MAGI2: variants seen among roughly 807,000 people sequenced by gnomAD.
The protein encoded by MAGI2 is membrane-associated guanylate kinase, WW and PDZ domain-containing protein 2.
MAGI2 carries 35 observed loss-of-function variants against 133.3 expected under a neutral mutation model. The observed-to-expected ratio is 0.26, with a 90% confidence interval of 0.20 to 0.35. MAGI2 has a LOEUF of 0.35. MAGI2 is among the 10% of genes least tolerant of loss of function. MAGI2 has a pLI of 1.00. For missense variants in MAGI2, 1,636 were observed against 1,863.4 expected, an observed-to-expected ratio of 0.88 and a Z score of 2.25; for synonymous variants, 729 against 710.6, an observed-to-expected ratio of 1.03 and a Z score of -0.41.
At chr7:78,197,095 G>T (rs1158033373) in intron 11 of MAGI2, among the ~76,000 whole-genome samples, 1 of 152,210 alleles carries the variant, frequency 6.6e-6, no homozygotes, top group East Asian at 1.9e-4. Flanking sequence ...GCTCCCATTT[G>T]TAAAAATCTT....
chr7:78,805,825 A>C (rs1410748015), intron 2 of MAGI2, among the ~76,000 whole-genome samples: 1 of 152,130 alleles, frequency 6.6e-6, no homozygotes, highest in African/African-American at 2.4e-5. Flanking sequence ...GTCTCCAGCC[A>C]ACAGCCATGA....
chr7:78,587,166 A>G (rs1163146090), intron 3 of MAGI2, among the ~76,000 whole-genome samples: 1 of 152,186 alleles, frequency 6.6e-6, no homozygotes, highest in African/African-American at 2.4e-5. Context: ...ACTGTTTTCC[A>G]TAGCAGCTGC....
chr7:79,017,048 C>T (rs1808807055), intron 1 of MAGI2, among the ~76,000 whole-genome samples: 1 of 152,266 alleles, frequency 6.6e-6, no homozygotes, highest in Non-Finnish European at 1.5e-5. Flanking sequence ...AAGGCCAGCA[C>T]ATCTGTTCCC....
chr7:78,044,707 A>ATGTGTGTGTGTG (rs56731310), intron 21 of MAGI2, among the ~76,000 whole-genome samples: 6 of 131,114 alleles, frequency 4.6e-5, no homozygotes, highest in East Asian at 2.4e-4. Context: ...GTGTGTGTGC[A>ATGTGTGTGTGTG]CGTGTGCACA....
chr7:79,027,185 G>A (rs564078141), intron 1 of MAGI2, among the ~76,000 whole-genome samples: 1 of 151,934 alleles, frequency 6.6e-6, no homozygotes, highest in African/African-American at 2.4e-5. Context: ...GCAATCTCAC[G>A]TCTGGGTATT....
At chr7:78,986,586 A>G (rs970472355) in intron 2 of MAGI2, among the ~76,000 whole-genome samples, 4 of 151,874 alleles carry the variant, frequency 2.6e-5, no homozygotes, top group Admixed American at 2.0e-4. Context: ...CAGTGGTGTG[A>G]TCATAGCTCA....
intron 1 of MAGI2, among the ~76,000 whole-genome samples, chr7:79,443,288 G>GCA (rs1563229253): frequency 4.3e-4 from 44 of 101,778 alleles, no homozygotes; most frequent in Middle Eastern, 6.6e-3. Context: ...GTGTGTGCGT[G>GCA]TGTGTGTGTG....
chr7:79,412,548 C>T (rs1846215218), intron 1 of MAGI2: 1 of 152,202 alleles, frequency 6.6e-6, no homozygotes, highest in African/African-American at 2.4e-5. Context: ...TGTTGTCCTT[C>T]ACCTTTCTCA....
intron 9 of MAGI2, among the ~76,000 whole-genome samples, chr7:78,339,768 C>G (rs1484612943): frequency 6.6e-6 from 1 of 152,082 alleles, no homozygotes; most frequent in Non-Finnish European, 1.5e-5. Flanking sequence ...AGTTGGACAC[C>G]CTCTAACTCA....
At chr7:79,407,390 G>A (rs979683070) in intron 1 of MAGI2, among the ~76,000 whole-genome samples, 1 of 152,022 alleles carries the variant, frequency 6.6e-6, no homozygotes, top group African/African-American at 2.4e-5. Context: ...CAGTCCCTAT[G>A]GCTCACTATG....
intron 2 of MAGI2, chr7:79,000,287 G>A (rs1307759310): frequency 6.6e-6 from 1 of 152,132 alleles, no homozygotes; most frequent in African/African-American, 2.4e-5. Context: ...TCCACAGGTT[G>A]ATGTCACTCT....
chr7:78,516,051 C>G (rs1796014091), intron 4 of MAGI2, among the ~76,000 whole-genome samples: 1 of 152,138 alleles, frequency 6.6e-6, no homozygotes, highest in South Asian at 2.1e-4. Context: ...CAGAGATGAT[C>G]AGTTTTTACT....
chr7:78,209,968 A>T, intron 10 of MAGI2, among the ~76,000 whole-genome samples: 1 of 151,810 alleles, frequency 6.6e-6, no homozygotes, highest in East Asian at 1.9e-4. Context: ...GCTATCTCTG[A>T]CCCTTTTTTA....
chr7:79,174,644 G>T (rs1190235591), intron 1 of MAGI2, among the ~76,000 whole-genome samples: 1 of 149,136 alleles, frequency 6.7e-6, no homozygotes, highest in African/African-American at 2.5e-5. Flanking sequence ...AAATCAGCCT[G>T]GTCACCATAA....
chr7:78,465,419 C>T (rs1790518447), intron 6 of MAGI2, among the ~76,000 whole-genome samples: 1 of 152,192 alleles, frequency 6.6e-6, no homozygotes, highest in South Asian at 2.1e-4. Context: ...TAGGGTTTAT[C>T]AAGCCATGTA....
intron 1 of MAGI2, among the ~76,000 whole-genome samples, chr7:79,024,830 G>T (rs1426103112): frequency 1.8e-5 from 2 of 112,674 alleles, no homozygotes; most frequent in East Asian, 5.5e-4. Context: ...CAGAATGGCT[G>T]TTATTAAAAA....
chr7:78,298,392 A>ATTG (rs1797506878), intron 9 of MAGI2, among the ~76,000 whole-genome samples: 1 of 152,218 alleles, frequency 6.6e-6, no homozygotes, highest in East Asian at 1.9e-4. Context: ...ATACCACATC[A>ATTG]TTGTTGGTTC....
intron 9 of MAGI2, among the ~76,000 whole-genome samples, chr7:78,257,059 G>C (rs1793063086): frequency 6.6e-6 from 1 of 151,974 alleles, no homozygotes; most frequent in Non-Finnish European, 1.5e-5. Context: ...TTATGGAACA[G>C]AAAAATATTT....
chr7:78,500,396 CA>C (rs1481939166), intron 5 of MAGI2, among the ~76,000 whole-genome samples: 1 of 152,210 alleles, frequency 6.6e-6, no homozygotes, highest in Non-Finnish European at 1.5e-5. Context: ...GAGGCTTATA[CA>C]ACTTTGAGAG....
Sources: gnomAD v4.1 joint callset for allele counts (sites outside exome capture counted in the v4.1 genomes callset) on GRCh38, gnomAD v4.1.1 for gene constraint, MANE v1.5 for transcripts, NCBI Gene and HGNC (gene_info 2026-07-23, HGNC 2026-07-21) for gene names.